Variants in MCTP2 observed in about 807,000 individuals in gnomAD.
MCTP2 encodes multiple C2 and transmembrane domain containing 2.
In MCTP2, 132 loss-of-function variants were observed where a neutral mutation model predicts 111.6. The observed-to-expected ratio is 1.18, with a 90% CI of 1.03 to 1.37. The LOEUF is 1.37. Ranked by LOEUF, MCTP2 falls within the 40% of genes most tolerant of loss-of-function variation. The pLI is 0.00. For synonymous variants in MCTP2, 395 were observed against 387.7 expected, an observed-to-expected ratio of 1.02 and a Z score of -0.22; for missense variants, 1,183 against 1,067.9, an observed-to-expected ratio of 1.11 and a Z score of -1.50.
chr15:94,445,496 C>T (rs530195541), intron 19 of MCTP2, among the ~76,000 whole-genome samples: 23 of 149,084 alleles, frequency 1.5e-4, no homozygotes, highest in African/African-American at 5.4e-4. Flanking sequence ...TCTTTTCATT[C>T]TTCCTTCTGT....
intron 14 of MCTP2, among the ~76,000 whole-genome samples, chr15:94,396,737 G>A (rs1168238598): frequency 1.3e-5 from 2 of 151,812 alleles, no homozygotes; most frequent in African/African-American, 2.4e-5. Context: ...GATATTCCTT[G>A]TAGCAGACAA....
At chr15:94,337,447 G>A (rs778297400) in intron 4 of MCTP2, among the ~76,000 whole-genome samples, 35 of 151,974 alleles carry the variant, frequency 2.3e-4, no homozygotes, top group Non-Finnish European at 2.8e-4. Context: ...ATCCCAGAGT[G>A]GCAATTTCAT....
At chr15:94,252,369 T>C (rs1175192349) in intron 1 of MCTP2, among the ~76,000 whole-genome samples, 1 of 152,178 alleles carries the variant, frequency 6.6e-6, no homozygotes, top group African/African-American at 2.4e-5. Context: ...TAAGAATTAG[T>C]GATATTGAGT....
rs138039077 is a variant in MCTP2 at position 94,266,080 on chromosome 15, G to GCGCA, written c.-65-32120_-65-32119insGCAC. ...CACATACACGTGCATGCGTGTGCGC[G>GCGCA]CACACACACACACACGTGCTCTACA... On this transcript the variant is annotated intron_variant, in intron 1 of 22. Coordinates refer to ENST00000357742, the MANE Select transcript of MCTP2 (RefSeq NM_001385001.1). Among the ~76,000 whole-genome samples, 32 of 151,656 alleles carry GCGCA rather than the reference G, an allele frequency of 2.1e-4. 2 individuals are homozygous for GCGCA. The highest frequency in any genetic ancestry group is 6.2e-4 in the South Asian group (3 of 4,816).
intron 15 of MCTP2, chr15:94,399,389 G>A (rs914153438): frequency 4.7e-6 from 1 of 213,234 alleles, no homozygotes; most frequent in East Asian, 1.2e-4. Flanking sequence ...ATTCTTTGGG[G>A]TCTTACTCAG....
At chr15:94,458,665 A>G (rs968787438) in intron 20 of MCTP2, among the ~76,000 whole-genome samples, 1 of 152,228 alleles carries the variant, frequency 6.6e-6, no homozygotes, top group African/African-American at 2.4e-5. Context: ...TCTCCAAAGA[A>G]AGATACACAT....
chr15:94,363,145 T>G (rs1254247577), intron 10 of MCTP2, among the ~76,000 whole-genome samples: 1 of 152,208 alleles, frequency 6.6e-6, no homozygotes, highest in Non-Finnish European at 1.5e-5. Flanking sequence ...GTGAGTTTTG[T>G]TACGGCGCTG....
In MCTP2 at chr15:94,463,265, G is replaced by A. The variant is rs1236937559; in HGVS notation, c.2360+5019G>A. 3.9e-5 allele frequency among the ~76,000 whole-genome samples: 6 copies of A among 151,996 alleles called. No individual in the cohort carries two copies. The East Asian group carries it at 7.7e-4, about 20-fold the overall frequency. ...TTCCAGTGTAATATCTCTTTAGATC[G>A]TCTTTAATTTATCTCATTATTATTT... On this transcript the variant is annotated intron_variant, in intron 20 of 22. Transcript: ENST00000357742.
At chr15:94,441,826 CT>C (rs1454605934) in intron 18 of MCTP2, among the ~76,000 whole-genome samples, 1 of 152,162 alleles carries the variant, frequency 6.6e-6, no homozygotes. Context: ...TTTTCATTAC[CT>C]TCCTGTTTAT....
At chr15:94,435,089 T>C (rs1316998064) in intron 17 of MCTP2, among the ~76,000 whole-genome samples, 4 of 152,200 alleles carry the variant, frequency 2.6e-5, no homozygotes, top group African/African-American at 9.6e-5. Flanking sequence ...GGTCCCAAAC[T>C]CTTGACTTCA....
chr15:94,348,488 G>C (rs1444714602), intron 8 of MCTP2, among the ~76,000 whole-genome samples: 2 of 942 alleles, frequency 2.1e-3, no homozygotes, highest in African/African-American at 0.011. Context: ...CTCTCTCTCT[G>C]TCTTCCTCTC....
intron 1 of MCTP2, 95 bp downstream of exon 1, chr15:94,231,759 AG>A (rs1237282433): frequency 1.3e-5 from 2 of 152,690 alleles, no homozygotes; most frequent in Admixed American, 1.3e-4. Context: ...CGAAGCTGGG[AG>A]TTGGGGAGCT....
Position 94,243,926 on chromosome 15 carries a change from C to T in MCTP2, c.-66+12262C>T, listed in dbSNP as rs1360993691. 2.8e-5 allele frequency among the ~76,000 whole-genome samples: 4 copies of T among 141,370 alleles called. No individual in the cohort carries two copies. The South Asian group carries it at 6.6e-4, about 23-fold the overall frequency. 92.7% of individuals were successfully genotyped at this position (141,370 alleles called of 152,430 possible). A position where few individuals can be genotyped will look rare whatever the true frequency, so the allele number is the denominator to read the frequency against. On this transcript the variant is annotated intron_variant, in intron 1 of 22. Transcript: ENST00000357742. ...ACATACATATGTGTATATATTTACACATATGTGTACACATACATATATGTG... is the reference window on the plus strand; with the variant it reads ...ACATACATATGTGTATATATTTACATATATGTGTACACATACATATATGTG...
chr15:94,245,610 A>C (rs138059579), intron 1 of MCTP2, among the ~76,000 whole-genome samples: 3 of 145,316 alleles, frequency 2.1e-5, no homozygotes, highest in South Asian at 2.1e-4. Flanking sequence ...AGACATATAC[A>C]TATGTACATG....
At chr15:94,413,605 T>G (rs546701655) in intron 17 of MCTP2, among the ~76,000 whole-genome samples, 9 of 151,106 alleles carry the variant, frequency 6.0e-5, no homozygotes, top group African/African-American at 1.9e-4. Context: ...CACAGAGACA[T>G]TCCTTCATAT....
intron 1 of MCTP2, among the ~76,000 whole-genome samples, chr15:94,257,346 C>T (rs1217696366): frequency 6.6e-6 from 1 of 151,932 alleles, no homozygotes; most frequent in Non-Finnish European, 1.5e-5. Flanking sequence ...TTGTAAGAAG[C>T]CAAGTCAGGC....
intron 1 of MCTP2, among the ~76,000 whole-genome samples, chr15:94,233,467 C>G (rs571739369): frequency 6.6e-6 from 1 of 152,124 alleles, no homozygotes. Flanking sequence ...ATGGTCTCCT[C>G]CTGCAGAGGT....
intron 1 of MCTP2, among the ~76,000 whole-genome samples, chr15:94,281,740 A>G (rs1004073994): frequency 1.3e-5 from 2 of 152,156 alleles, no homozygotes; most frequent in Non-Finnish European, 2.9e-5. Context: ...GACCTCTTAT[A>G]AGGCTGGTCT....
chr15:94,333,382 A>G (rs1483047779), intron 4 of MCTP2, among the ~76,000 whole-genome samples: 1 of 152,120 alleles, frequency 6.6e-6, no homozygotes, highest in African/African-American at 2.4e-5. Flanking sequence ...AAGCTTTTCT[A>G]GATGGGAATA....
Sources: allele counts gnomAD v4.1 joint callset (sites outside exome capture counted in the v4.1 genomes callset), GRCh38; gene constraint gnomAD v4.1.1; transcripts MANE v1.5; gene names NCBI Gene and HGNC (gene_info 2026-07-23, HGNC 2026-07-21).